Variants in BMERB1 observed in about 807,000 individuals in gnomAD.
The protein encoded by BMERB1 is bMERB domain-containing protein 1.
BMERB1 carries 12 observed loss-of-function variants against 23.6 expected under a neutral mutation model. The ratio of observed to expected loss-of-function variants is 0.51; its 90% CI spans 0.33 to 0.82. The LOEUF (loss-of-function observed/expected upper bound fraction) is 0.82, where lower values mean the gene tolerates loss of function less well. BMERB1 is among the 40% of genes least tolerant of loss of function. BMERB1 has a pLI of 0.03. For missense variants in BMERB1, 247 were observed against 255.4 expected, an observed-to-expected ratio of 0.97 and a Z score of 0.22; for synonymous variants, 122 against 96.6, an observed-to-expected ratio of 1.26 and a Z score of -1.54.
chr16:15,451,027 G>A (rs1031261635), intron 1 of BMERB1, among the ~76,000 whole-genome samples: 2 of 152,138 alleles, frequency 1.3e-5, no homozygotes, highest in African/African-American at 4.8e-5. Flanking sequence ...TTTTCCAAGT[G>A]TGAGATTTAA....
chr16:15,576,145 G>A (rs2030852851), intron 3 of BMERB1, among the ~76,000 whole-genome samples: 1 of 151,544 alleles, frequency 6.6e-6, no homozygotes, highest in African/African-American at 2.4e-5. Context: ...TTCAAGTGAA[G>A]TGATTCTCCT....
At chr16:15,519,931 G>A (rs2051828930) in intron 2 of BMERB1, among the ~76,000 whole-genome samples, 1 of 152,188 alleles carries the variant, frequency 6.6e-6, no homozygotes, top group East Asian at 1.9e-4. Context: ...GGGATCAGAG[G>A]TCATCATCCT....
At chr16:15,570,460 C>T (rs747279597) in intron 3 of BMERB1, among the ~76,000 whole-genome samples, 6 of 151,994 alleles carry the variant, frequency 3.9e-5, no homozygotes, top group South Asian at 4.1e-4. Flanking sequence ...GTTGGGGGTA[C>T]GGGGCTCTGT....
intron 1 of BMERB1, among the ~76,000 whole-genome samples, chr16:15,447,701 CT>C (rs2051001655): frequency 6.6e-6 from 1 of 151,968 alleles, no homozygotes; most frequent in Admixed American, 6.6e-5. Flanking sequence ...GTGGGTGAAC[CT>C]CAAGGAAGAA....
chr16:15,532,552 T>TC (rs1299580740), intron 2 of BMERB1, among the ~76,000 whole-genome samples: 2 of 140,182 alleles, frequency 1.4e-5, no homozygotes, highest in Admixed American at 7.2e-5. Flanking sequence ...TTCTTTTTTT[T>TC]TTTTTTTTTT....
intron 2 of BMERB1, among the ~76,000 whole-genome samples, chr16:15,542,025 C>G (rs1448908813): frequency 6.7e-6 from 1 of 150,116 alleles, no homozygotes; most frequent in Non-Finnish European, 1.5e-5. Context: ...GGATTACAGG[C>G]ATGAGCCTCT....
Position 15,569,354 on chromosome 16 carries a change from G to A in BMERB1, c.304+1298G>A, listed in dbSNP as rs561264339. On this transcript the variant is annotated intron_variant, in intron 3 of 5. Coordinates refer to ENST00000300006, the MANE Select transcript of BMERB1 (RefSeq NM_033201.3). ...GCCTCAGGAAACTTATAATCATGGCGGAAGACAAGGGAGCAGACATGTCAC... is the reference window on the plus strand; with the variant it reads ...GCCTCAGGAAACTTATAATCATGGCAGAAGACAAGGGAGCAGACATGTCAC... 6.0e-4 allele frequency among the ~76,000 whole-genome samples: 92 copies of A among 152,118 alleles called. 1 individual carries two copies. Among genetic ancestry groups the A allele is most frequent in the Non-Finnish European group, 1.1e-3 (78 of 68,028 alleles).
intron 2 of BMERB1, among the ~76,000 whole-genome samples, chr16:15,560,572 G>T (rs1384034967): frequency 6.6e-6 from 1 of 152,030 alleles, no homozygotes; most frequent in African/African-American, 2.4e-5. Context: ...TGGGTGGATT[G>T]CTTGAGTCCA....
At chr16:15,515,986 G>A (rs76777750) in intron 2 of BMERB1, among the ~76,000 whole-genome samples, 2,195 of 152,302 alleles carry the variant, frequency 0.014, 60 homozygotes, top group African/African-American at 0.051. Context: ...CTCTGAGTGT[G>A]TGGTGGTGCA....
intron 1 of BMERB1, among the ~76,000 whole-genome samples, chr16:15,444,450 A>G (rs1460861741): frequency 6.6e-6 from 1 of 152,002 alleles, no homozygotes; most frequent in Non-Finnish European, 1.5e-5. Context: ...ATCTTGGACA[A>G]TTGGCCTAAC....
chr16:15,532,926 G>A (rs1226577582), intron 2 of BMERB1: 11 of 448,046 alleles, frequency 2.5e-5, no homozygotes, highest in Admixed American at 4.8e-5. Flanking sequence ...CCTGGTAAGT[G>A]TGTTTACTTG....
Position 15,474,679 on chromosome 16 carries a change from C to T in BMERB1, c.106+39920C>T, listed in dbSNP as rs141538340. On this transcript the variant is annotated intron_variant, in intron 1 of 5. Transcript: ENST00000300006. Reference sequence around the variant, plus strand: ...TCAGTCATGAGCCACTGTGCCTGGCCTTTCTCTTTTTTATTCTTATTTTTT... The same window carrying T: ...TCAGTCATGAGCCACTGTGCCTGGCTTTTCTCTTTTTTATTCTTATTTTTT... Among the ~76,000 whole-genome samples, 1,397 of 151,902 alleles carry T rather than the reference C, an allele frequency of 9.2e-3. 22 individuals carry two copies. The highest frequency in any genetic ancestry group is 0.032 in the African/African-American group (1,314 of 41,424).
At chr16:15,517,976 CGTGTGGATGTGTGTGCAT>C (rs565487627) in intron 2 of BMERB1, among the ~76,000 whole-genome samples, 2,665 of 113,996 alleles carry the variant, frequency 0.023, 76 homozygotes, top group African/African-American at 0.083. Context: ...TGTATGTGTG[CGTGTGGATGTGTGTGCAT>C]GTGTGGATGT....
intron 2 of BMERB1, among the ~76,000 whole-genome samples, chr16:15,531,149 C>T (rs1001313681): frequency 2.6e-5 from 4 of 151,970 alleles, no homozygotes; most frequent in African/African-American, 4.8e-5. Flanking sequence ...CCTCGTGATC[C>T]GCCCACCTCA....
At chr16:15,564,355 A>G (rs1004847731) in intron 2 of BMERB1, among the ~76,000 whole-genome samples, 2 of 152,122 alleles carry the variant, frequency 1.3e-5, no homozygotes, top group Admixed American at 6.6e-5. Context: ...GTTTTTAAGC[A>G]TTCACCCAAA....
chr16:15,473,980 C>T (rs1163854528), intron 1 of BMERB1, among the ~76,000 whole-genome samples: 1 of 151,974 alleles, frequency 6.6e-6, no homozygotes, highest in Non-Finnish European at 1.5e-5. Flanking sequence ...ATTAGCCGGG[C>T]GTGGTGGCAG....
chr16:15,471,929 C>A (rs1247755237), intron 1 of BMERB1, among the ~76,000 whole-genome samples: 11 of 152,164 alleles, frequency 7.2e-5, no homozygotes, highest in Admixed American at 1.3e-4. Flanking sequence ...TGAGTACAGT[C>A]TCTGTATCAC....
At chr16:15,536,791 T>G (rs556599469) in intron 2 of BMERB1, 1 of 152,330 alleles carries the variant, frequency 6.6e-6, no homozygotes, top group African/African-American at 2.4e-5. Context: ...GCAGGTAGGC[T>G]GATGCCCCCT....
intron 1 of BMERB1, among the ~76,000 whole-genome samples, chr16:15,455,071 C>T (rs1262291507): frequency 6.6e-6 from 1 of 152,062 alleles, no homozygotes. Context: ...CGTGGTGGCT[C>T]ATGCCTGTAA....
Sources: gnomAD v4.1 joint callset for allele counts (sites outside exome capture counted in the v4.1 genomes callset) on GRCh38, gnomAD v4.1.1 for gene constraint, MANE v1.5 for transcripts, NCBI Gene and HGNC (gene_info 2026-07-23, HGNC 2026-07-21) for gene names.